FAM227B: variants seen among roughly 807,000 people sequenced by gnomAD.
The protein encoded by FAM227B is family with sequence similarity 227 member B, also known as protein FAM227B.
Under a neutral mutation model 73.8 loss-of-function variants are expected in FAM227B, and 88 were observed. The ratio of observed to expected loss-of-function variants is 1.19; its 90% CI spans 1.00 to 1.42. The LOEUF (loss-of-function observed/expected upper bound fraction) is 1.42. Ranked by LOEUF, FAM227B falls within the 40% of genes most tolerant of loss-of-function variation. The probability of loss-of-function intolerance (pLI) is 0.00; values close to 1 mark genes in which losing one functional copy is unlikely to be tolerated. For synonymous variants in FAM227B, 210 were observed against 190.5 expected (o/e 1.10, Z -0.84); for missense variants, 632 against 590.9 (o/e 1.07, Z -0.72).
chr15:49,565,283 G>A (rs1175543861), intron 9 of FAM227B, among the ~76,000 whole-genome samples: 1 of 151,132 alleles, frequency 6.6e-6, no homozygotes, highest in Admixed American at 6.6e-5. Flanking sequence ...TCAGGAGGCT[G>A]AGGCAGAAGA....
chr15:49,541,824 A>G lies in FAM227B; in HGVS notation c.748-18T>C. 1 of 1,349,412 alleles carries G rather than the reference A, an allele frequency of 7.4e-7. No individual in the cohort carries two copies. Among genetic ancestry groups the G allele is most frequent in the Non-Finnish European group, 9.6e-7 (1 of 1,036,998 alleles). The allele number at this position is 1,349,412 out of a possible 1,614,324, so 83.6% of individuals were successfully genotyped here. On this transcript the variant is annotated intron_variant, in intron 9 of 15. Coordinates refer to ENST00000299338, the MANE Select transcript of FAM227B (RefSeq NM_152647.3). ...GGATATATCTACCAAAATAAAATCAAATTAGATTAATTTTATATTTTTAAA... is the reference window on the plus strand; with the variant it reads ...GGATATATCTACCAAAATAAAATCAGATTAGATTAATTTTATATTTTTAAA...
intron 11 of FAM227B, among the ~76,000 whole-genome samples, chr15:49,389,853 T>C (rs1008633038): frequency 6.6e-6 from 1 of 152,016 alleles, no homozygotes; most frequent in African/African-American, 2.4e-5. Context: ...TCCTAGCCAC[T>C]GGTAGAACCA....
At chr15:49,508,844 T>C (rs1204337596) in intron 10 of FAM227B, among the ~76,000 whole-genome samples, 1 of 152,154 alleles carries the variant, frequency 6.6e-6, no homozygotes, top group Non-Finnish European at 1.5e-5. Context: ...TTTTAAAATA[T>C]TGTGCATTAA....
chr15:49,521,179 T>G (rs2059758305), intron 10 of FAM227B, among the ~76,000 whole-genome samples: 1 of 152,156 alleles, frequency 6.6e-6, no homozygotes, highest in Non-Finnish European at 1.5e-5. Flanking sequence ...CCTGTGTTGT[T>G]GCATCACCAG....
At chr15:49,534,162 C>T (rs2060831563) in intron 10 of FAM227B, among the ~76,000 whole-genome samples, 1 of 151,762 alleles carries the variant, frequency 6.6e-6, no homozygotes, top group Non-Finnish European at 1.5e-5. Context: ...ATTTCAGGTA[C>T]ATGAGAGCAA....
intron 11 of FAM227B, among the ~76,000 whole-genome samples, chr15:49,471,171 T>C (rs1311988248): frequency 6.6e-6 from 1 of 152,026 alleles, no homozygotes; most frequent in African/African-American, 2.4e-5. Context: ...GGCTAGGGAA[T>C]CCAAACCATC....
chr15:49,347,879 C>T (rs746497545), intron 13 of FAM227B, among the ~76,000 whole-genome samples: 12 of 151,766 alleles, frequency 7.9e-5, no homozygotes, highest in South Asian at 2.1e-4. Flanking sequence ...ATTAGCTGGG[C>T]GTGGTGGCAG....
chr15:49,516,727 C>T (rs2059403416), intron 10 of FAM227B, among the ~76,000 whole-genome samples: 2 of 151,944 alleles, frequency 1.3e-5, no homozygotes, highest in Non-Finnish European at 2.9e-5. Flanking sequence ...CAAAATCACC[C>T]ATGTTCTAAT....
chr15:49,354,918 G>C (rs1183776631), intron 13 of FAM227B, among the ~76,000 whole-genome samples: 1 of 151,798 alleles, frequency 6.6e-6, no homozygotes, highest in South Asian at 2.1e-4. Flanking sequence ...GCCTCCTCAA[G>C]TGGGTCCCTG....
intron 12 of FAM227B, chr15:49,367,983 C>T (rs765012887): frequency 6.5e-6 from 1 of 153,364 alleles, no homozygotes; most frequent in Non-Finnish European, 1.4e-5. Context: ...CCAAGAAGTT[C>T]AGCAATTTCT....
At chr15:49,348,359 T>C (rs1304601474) in intron 13 of FAM227B, among the ~76,000 whole-genome samples, 3 of 152,214 alleles carry the variant, frequency 2.0e-5, no homozygotes, top group African/African-American at 7.2e-5. Flanking sequence ...TGAAACTTAA[T>C]TGAATATCTA....
intron 3 of FAM227B, among the ~76,000 whole-genome samples, chr15:49,610,474 A>G (rs946904832): frequency 4.0e-5 from 6 of 151,542 alleles, no homozygotes; most frequent in Non-Finnish European, 5.9e-5. Context: ...CAGAAGATAG[A>G]TATTTAAAAG....
At chr15:49,334,749 G>A (rs549146651) in intron 14 of FAM227B, among the ~76,000 whole-genome samples, 1 of 152,204 alleles carries the variant, frequency 6.6e-6, no homozygotes, top group South Asian at 2.1e-4. Context: ...GTGCTCCTTG[G>A]ACAGCAGGAG....
chr15:49,537,907 A>G (rs1377467090), intron 10 of FAM227B, among the ~76,000 whole-genome samples: 1 of 152,176 alleles, frequency 6.6e-6, no homozygotes, highest in Non-Finnish European at 1.5e-5. Flanking sequence ...TACCGGGACC[A>G]GGCAAGGTGG....
intron 11 of FAM227B, among the ~76,000 whole-genome samples, chr15:49,454,299 T>C (rs1422977928): frequency 6.6e-6 from 1 of 152,164 alleles, no homozygotes; most frequent in East Asian, 1.9e-4. Context: ...GTCTCTCTTG[T>C]GCATTTTCTT....
rs375798990 is a variant in FAM227B at position 49,371,356 on chromosome 15, T to C, written c.1056A>G (p.Ala352=). 8 of 1,602,972 alleles carry C rather than the reference T, an allele frequency of 5.0e-6. No individual in the cohort carries two copies. The African/African-American group carries it at 8.0e-5, about 16-fold the overall frequency. The change falls in exon 12 of 16, where the codon GCA becomes GCG. Residue 352 remains alanine (A), a synonymous_variant. Coordinates refer to ENST00000299338, the MANE Select transcript of FAM227B (RefSeq NM_152647.3). The stretch of plus-strand genomic sequence containing the variant: ...CTTCCTTGGATATGGGCAACGTATA[T>C]GCTCTTGGGTTGTTCAGAATCTTTA... The part of the protein sequence containing the change: ...NIIKILNNPR[A]YTLPISKEES...
chr15:49,565,180 A>G (rs1312021964), intron 9 of FAM227B, among the ~76,000 whole-genome samples: 1 of 151,876 alleles, frequency 6.6e-6, no homozygotes, highest in Non-Finnish European at 1.5e-5. Flanking sequence ...TCAGGAGTTC[A>G]AGAACAGTGT....
intron 13 of FAM227B, among the ~76,000 whole-genome samples, chr15:49,363,678 G>A (rs2044637428): frequency 6.6e-6 from 1 of 152,170 alleles, no homozygotes; most frequent in Non-Finnish European, 1.5e-5. Flanking sequence ...GGAGTGTTGA[G>A]AGTGGGTATC....
At chr15:49,386,309 G>T (rs1473744999) in intron 11 of FAM227B, among the ~76,000 whole-genome samples, 2 of 151,354 alleles carry the variant, frequency 1.3e-5, no homozygotes, top group African/African-American at 4.9e-5. Flanking sequence ...TATCTTCTCA[G>T]GCCACAGTGG....
Sources: allele counts gnomAD v4.1 joint callset (sites outside exome capture counted in the v4.1 genomes callset), GRCh38; gene constraint gnomAD v4.1.1; transcripts MANE v1.5; gene names NCBI Gene and HGNC (gene_info 2026-07-23, HGNC 2026-07-21).